The following BEAN1 variants were observed in gnomAD, a reference collection of about 807,000 sequenced individuals.
BEAN1 encodes brain expressed associated with NEDD4 1.
In BEAN1, 17 loss-of-function variants were observed where a neutral mutation model predicts 17.7. The ratio of observed to expected loss-of-function variants is 0.96; its 90% CI spans 0.66 to 1.44. BEAN1 has a LOEUF of 1.44. BEAN1 is among the 40% of genes most tolerant of loss of function. BEAN1 has a pLI of 0.00. For missense variants in BEAN1, 359 were observed against 374.1 expected (o/e 0.96, Z 0.33); for synonymous variants, 142 against 151.8 (o/e 0.94, Z 0.47).
intron 2 of BEAN1, among the ~76,000 whole-genome samples, chr16:66,464,285 T>C (rs761686416): frequency 1.5e-4 from 23 of 152,346 alleles, no homozygotes; most frequent in Middle Eastern, 6.8e-3. Context: ...TTCTATTTAT[T>C]TGGATCTTTA....
At chr16:66,472,141 G>T (rs1963508227) in intron 3 of BEAN1, among the ~76,000 whole-genome samples, 1 of 152,190 alleles carries the variant, frequency 6.6e-6, no homozygotes, top group South Asian at 2.1e-4. Flanking sequence ...CCGCTCAAAG[G>T]CTGCCTCCTT....
chr16:66,438,320 G>T lies in BEAN1; in HGVS notation c.25+619G>T, dbSNP rs1384990979. 2.6e-5 allele frequency among the ~76,000 whole-genome samples: 4 copies of T among 151,768 alleles called. No individual in the cohort carries two copies. In the East Asian group the frequency reaches 7.8e-4, roughly 29 times the overall value. On this transcript the variant is annotated intron_variant, in intron 2 of 4. Transcript: ENST00000536005. ...AATTGCTTGAATCCGGGAGGCGGAG[G>T]TTGCAGTGAGCCGAGATCACACCAT...
At chr16:66,480,537 C>A in intron 4 of BEAN1, 49 bp from the exon 5 acceptor site, 1 of 1,419,808 alleles carries the variant, frequency 7.0e-7, no homozygotes, top group Non-Finnish European at 9.5e-7. Flanking sequence ...TGGGAGAGAC[C>A]CAGCCCTAAG....
At chr16:66,493,462 C>G in exon 5 of BEAN1, 1 of 608,630 alleles carries the variant, frequency 1.6e-6, no homozygotes, top group Non-Finnish European at 2.9e-6. Context: ...GCCATGGCAG[C>G]ACATGCCTGG....
chr16:66,473,180 C>A lies in BEAN1; in HGVS notation c.289+3315C>A, dbSNP rs887598840. On this transcript the variant is annotated intron_variant, in intron 3 of 4. Transcript: ENST00000536005. This position sits in a 1 kb window ranked among gnomAD's most constrained non-coding sequence, Gnocchi z 4.5. Reference sequence around the variant, plus strand: ...CAGAGGAAAGAGATGGGCTTAGGGGCAGGCCAGCCCCTCTGTAGCCTGTGG... The same window carrying A: ...CAGAGGAAAGAGATGGGCTTAGGGGAAGGCCAGCCCCTCTGTAGCCTGTGG... Among the ~76,000 whole-genome samples, 11 of 152,098 alleles carry A rather than the reference C, an allele frequency of 7.2e-5. No homozygotes were observed. Among genetic ancestry groups the A allele is most frequent in the Non-Finnish European group, 1.6e-4 (11 of 68,026 alleles).
intron 2 of BEAN1, 26 bp from the exon 3 acceptor site, chr16:66,469,576 T>C: frequency 6.5e-7 from 1 of 1,527,640 alleles, no homozygotes. Flanking sequence ...GGGCTCCAGC[T>C]CAGTGTCCTC....
chr16:66,440,352 A>G (rs1393485929), intron 2 of BEAN1, among the ~76,000 whole-genome samples: 1 of 151,914 alleles, frequency 6.6e-6, no homozygotes, highest in Admixed American at 6.6e-5. Context: ...GCTCGTCTCG[A>G]ACTCCTGACT....
chr16:66,445,723 G>A (rs553926943), intron 2 of BEAN1, among the ~76,000 whole-genome samples: 1 of 152,198 alleles, frequency 6.6e-6, no homozygotes, highest in East Asian at 1.9e-4. Context: ...GGTACCAGAG[G>A]CAGTAGGGAC....
chr16:66,485,100 A>G (rs1034092796), downstream of BEAN1: 2 of 454,006 alleles, frequency 4.4e-6, no homozygotes, highest in Admixed American at 2.3e-5. Context: ...AAGAGGGCGG[A>G]AGGAGGGTTG....
chr16:66,452,603 G>A (rs185590136), intron 2 of BEAN1, among the ~76,000 whole-genome samples: 33 of 152,366 alleles, frequency 2.2e-4, no homozygotes, highest in Admixed American at 1.1e-3. Flanking sequence ...GGTGTTTGGC[G>A]AAGGGATCTG....
chr16:66,485,141 G>A (rs949630330), downstream of BEAN1: 13 of 453,096 alleles, frequency 2.9e-5, 1 homozygote, highest in South Asian at 7.8e-5. Context: ...CAGCCACCAC[G>A]AGGAACATCC....
chr16:66,441,362 C>G (rs908530371), intron 2 of BEAN1, among the ~76,000 whole-genome samples: 1 of 152,146 alleles, frequency 6.6e-6, no homozygotes, highest in Non-Finnish European at 1.5e-5. Flanking sequence ...ACCCGGAAAT[C>G]CCAGGAGGGC....
At chr16:66,480,454 A>G in intron 4 of BEAN1, 132 bp from the exon 5 acceptor site, 1 of 671,812 alleles carries the variant, frequency 1.5e-6, no homozygotes, top group South Asian at 2.1e-5. Flanking sequence ...GTTTCATTGG[A>G]GCCAGCGTGG....
At chr16:66,468,685 C>G (rs1460035528) in intron 2 of BEAN1, among the ~76,000 whole-genome samples, 1 of 152,172 alleles carries the variant, frequency 6.6e-6, no homozygotes, top group Non-Finnish European at 1.5e-5. Context: ...AGTTGCAGGG[C>G]TGAGTTGGAG....
intron 1 of BEAN1, among the ~76,000 whole-genome samples, chr16:66,432,528 A>G (rs1274094164): frequency 6.6e-6 from 1 of 152,248 alleles, no homozygotes; most frequent in Non-Finnish European, 1.5e-5. Flanking sequence ...CCGCAGATCC[A>G]TGAAACCCCT....
At chr16:66,467,279 T>C (rs1469405853) in intron 2 of BEAN1, among the ~76,000 whole-genome samples, 1 of 152,208 alleles carries the variant, frequency 6.6e-6, no homozygotes, top group Non-Finnish European at 1.5e-5. Context: ...ATTCTCACAT[T>C]GCTATGAAGA....
At chr16:66,489,652 G>A (rs947780960) in intron 4 of BEAN1, among the ~76,000 whole-genome samples, 3 of 152,188 alleles carry the variant, frequency 2.0e-5, no homozygotes, top group Non-Finnish European at 4.4e-5. Flanking sequence ...ATACAGAAAG[G>A]CAGATTTATT....
chr16:66,429,459 G>A (rs1279985487), intron 1 of BEAN1, among the ~76,000 whole-genome samples: 4 of 152,158 alleles, frequency 2.6e-5, no homozygotes, highest in Non-Finnish European at 4.4e-5. Context: ...GTGGCAAGGA[G>A]CGGGTGGGCG....
chr16:66,467,817 A>G (rs777874401), intron 2 of BEAN1, among the ~76,000 whole-genome samples: 1 of 152,188 alleles, frequency 6.6e-6, no homozygotes, highest in Non-Finnish European at 1.5e-5. Flanking sequence ...CAGACACTAG[A>G]GCCTCCATCT....
Sources: allele counts gnomAD v4.1 joint callset (sites outside exome capture counted in the v4.1 genomes callset), GRCh38; gene constraint gnomAD v4.1.1; non-coding constraint Gnocchi (gnomAD v3.1); transcripts MANE v1.5; gene names NCBI Gene and HGNC (gene_info 2026-07-23, HGNC 2026-07-21).